The following ATAD2B variants were observed in gnomAD, a reference collection of about 807,000 sequenced individuals.
ATAD2B encodes the protein ATPase family AAA domain containing 2B.
ATAD2B carries 40 observed loss-of-function variants against 167.6 expected under a neutral mutation model. The ratio of observed to expected loss-of-function variants is 0.24; its 90% CI spans 0.19 to 0.31. ATAD2B has a LOEUF of 0.31. ATAD2B is among the 10% of genes least tolerant of loss of function. The pLI is 1.00. For missense variants in ATAD2B, 1,242 were observed against 1,757.2 expected, an observed-to-expected ratio of 0.71 and a Z score of 5.24; for synonymous variants, 579 against 596.5, an observed-to-expected ratio of 0.97 and a Z score of 0.43.
rs1371035940 is a variant in ATAD2B at position 23,877,081 on chromosome 2, AAAAG to A, written c.902-1181_902-1178del. On this transcript the variant is annotated intron_variant, in intron 7 of 27. Coordinates refer to ENST00000238789, the MANE Select transcript of ATAD2B (RefSeq NM_017552.4). ...AAACTCCATCTCAAAAAAAAAAAAA[AAAAG>A]AAAGAAAGAAATTTAGCACAATCCA... Among the ~76,000 whole-genome samples the A allele has an allele frequency of 2.0e-3, 310 of 151,416 alleles. 2 individuals carry two copies. The highest frequency in any genetic ancestry group is 7.2e-3 in the African/African-American group (299 of 41,326).
the ATAD2B span, among the ~76,000 whole-genome samples, chr2:23,710,108 A>G: frequency 6.6e-6 from 1 of 152,328 alleles, no homozygotes; most frequent in African/African-American, 2.4e-5. Context: ...CACATTATGC[A>G]TGTGTATGAT....
Position 23,874,872 on chromosome 2 carries a change from C to T in ATAD2B, c.977+957G>A, listed in dbSNP as rs577522778. Among the ~76,000 whole-genome samples the T allele has an allele frequency of 5.5e-4, 83 of 150,006 alleles. 1 individual carries two copies. The highest frequency in any genetic ancestry group is 1.8e-3 in the African/African-American group (74 of 40,852). On this transcript the variant is annotated intron_variant, in intron 8 of 27. Coordinates refer to ENST00000238789, the MANE Select transcript of ATAD2B (RefSeq NM_017552.4). ...GAGATCGAGACCATCCTGGCTAACA[C>T]GGTGAAATCCCATCTCTACTAAAAA... is the stretch of plus-strand genomic sequence containing the variant.
the ATAD2B span, among the ~76,000 whole-genome samples, chr2:23,721,316 G>A: frequency 2.2e-3 from 342 of 152,302 alleles, 2 homozygotes; most frequent in African/African-American, 7.9e-3. Context: ...GCAGCTCCAC[G>A]GATTGCCCCT....
chr2:23,753,330 A>G (rs1177907923), intron 27 of ATAD2B, among the ~76,000 whole-genome samples: 1 of 152,196 alleles, frequency 6.6e-6, no homozygotes, highest in Admixed American at 6.5e-5. Flanking sequence ...TTGAGAGCAG[A>G]GACTTTGTCT....
chr2:23,901,726 G>A (rs1700865811), intron 1 of ATAD2B, among the ~76,000 whole-genome samples: 1 of 152,036 alleles, frequency 6.6e-6, no homozygotes, highest in Admixed American at 6.6e-5. Context: ...AAACTTCTAA[G>A]AGTATTATGA....
At chr2:23,862,137 C>T (rs529874146) in intron 12 of ATAD2B, among the ~76,000 whole-genome samples, 2 of 151,086 alleles carry the variant, frequency 1.3e-5, no homozygotes, top group African/African-American at 4.9e-5. Context: ...TTTGAGGTTG[C>T]AGTGAACTAT....
intron 20 of ATAD2B, among the ~76,000 whole-genome samples, chr2:23,787,573 G>A (rs1165890268): frequency 5.3e-5 from 8 of 151,770 alleles, no homozygotes; most frequent in Admixed American, 5.3e-4. Flanking sequence ...AATAAAATTT[G>A]GAAAGGAGCC....
chr2:23,679,132 G>A, the ATAD2B span, among the ~76,000 whole-genome samples: 1 of 151,944 alleles, frequency 6.6e-6, no homozygotes, highest in East Asian at 1.9e-4. Context: ...GAGCACTTGA[G>A]TCCATCATCT....
the ATAD2B span, chr2:23,691,864 G>C: frequency 6.5e-7 from 1 of 1,550,126 alleles, no homozygotes; most frequent in Admixed American, 2.0e-5. Context: ...CAAAGTCTGC[G>C]TGTCCTTTCT....
chr2:23,917,066 G>T (rs1703143680), intron 1 of ATAD2B, among the ~76,000 whole-genome samples: 1 of 152,234 alleles, frequency 6.6e-6, no homozygotes, highest in Admixed American at 6.5e-5. Context: ...ACTACAGCGT[G>T]AATGGTGCTT....
At chr2:23,812,819 C>A (rs1403552580) in intron 17 of ATAD2B, among the ~76,000 whole-genome samples, 1 of 144,266 alleles carries the variant, frequency 6.9e-6, no homozygotes, top group Non-Finnish European at 1.5e-5. Context: ...GCCAAGATCT[C>A]ACCACTGCAA....
intron 1 of ATAD2B, among the ~76,000 whole-genome samples, chr2:23,916,144 A>G (rs1429946851): frequency 1.3e-5 from 2 of 152,348 alleles, no homozygotes; most frequent in Admixed American, 6.5e-5. Context: ...ATAAAGAGTT[A>G]AAATCCAAAG....
At chr2:23,691,725 G>A in the ATAD2B span, 1 of 1,551,694 alleles carries the variant, frequency 6.4e-7, no homozygotes, top group Non-Finnish European at 8.7e-7. Context: ...AGCTCGTCCT[G>A]TCGAACCTGC....
chr2:23,787,782 T>C (rs1019551594), intron 20 of ATAD2B, among the ~76,000 whole-genome samples: 2 of 152,070 alleles, frequency 1.3e-5, no homozygotes, highest in Admixed American at 6.6e-5. Context: ...GGATTGCTAC[T>C]TCCTAGAAGA....
chr2:23,911,564 C>A (rs1035483230), intron 1 of ATAD2B, among the ~76,000 whole-genome samples: 1 of 134,176 alleles, frequency 7.5e-6, no homozygotes, highest in Non-Finnish European at 1.5e-5. Context: ...CAAAAAGAAA[C>A]GAGAAGAAGA....
At chr2:23,852,963 C>T (rs1334857484) in intron 13 of ATAD2B, among the ~76,000 whole-genome samples, 3 of 150,866 alleles carry the variant, frequency 2.0e-5, no homozygotes, top group East Asian at 1.9e-4. Flanking sequence ...TAATGCTCTA[C>T]CTTAATAGAA....
At chr2:23,737,063 A>C in the ATAD2B span, among the ~76,000 whole-genome samples, 1 of 152,206 alleles carries the variant, frequency 6.6e-6, no homozygotes, top group African/African-American at 2.4e-5. Context: ...CTCGAACTGG[A>C]TGGAGCCCAC....
At chr2:23,689,692 A>C in the ATAD2B span, 1 of 152,460 alleles carries the variant, frequency 6.6e-6, no homozygotes, top group Non-Finnish European at 1.5e-5. Flanking sequence ...CAGGGCAGAA[A>C]GGGCATGCAG....
the ATAD2B span, among the ~76,000 whole-genome samples, chr2:23,701,839 T>C: frequency 5.0e-5 from 7 of 139,710 alleles, no homozygotes; most frequent in African/African-American, 1.9e-4. Context: ...TTTTGCTCGT[T>C]GCCCAGGCTG....
Sources: gnomAD v4.1 joint callset for allele counts (sites outside exome capture counted in the v4.1 genomes callset) on GRCh38, gnomAD v4.1.1 for gene constraint, MANE v1.5 for transcripts, NCBI Gene and HGNC (gene_info 2026-07-23, HGNC 2026-07-21) for gene names.